Variants in ZBTB20 observed in about 807,000 individuals in gnomAD.
ZBTB20 encodes the protein zinc finger and BTB domain-containing protein 20.
ZBTB20 carries 9 observed loss-of-function variants against 56.9 expected under a neutral mutation model. The observed-to-expected ratio is 0.16, with a 90% CI of 0.10 to 0.28. The LOEUF is 0.28. Ranked by LOEUF, ZBTB20 falls within the 10% of genes least tolerant of loss-of-function variation. The pLI is 1.00. For missense variants in ZBTB20, 655 were observed against 1,003.0 expected, an observed-to-expected ratio of 0.65 and a Z score of 4.69; for synonymous variants, 417 against 420.7, an observed-to-expected ratio of 0.99 and a Z score of 0.11.
intron 2 of ZBTB20, among the ~76,000 whole-genome samples, chr3:115,059,214 A>G (rs1327430982): frequency 1.3e-5 from 2 of 152,000 alleles, no homozygotes; most frequent in Non-Finnish European, 2.9e-5. Flanking sequence ...CAGCTTTTTC[A>G]TGTAACATAA....
At chr3:114,507,376 C>A (rs1006422000) in intron 6 of ZBTB20, among the ~76,000 whole-genome samples, 1 of 151,982 alleles carries the variant, frequency 6.6e-6, no homozygotes, top group Non-Finnish European at 1.5e-5. Flanking sequence ...ATAGAAAGAG[C>A]TATAGAAACA....
At chr3:115,003,417 T>G (rs9865218) in intron 2 of ZBTB20, among the ~76,000 whole-genome samples, 87,605 of 149,380 alleles carry the variant, frequency 0.59, 26,546 homozygotes, top group East Asian at 0.75. Context: ...CAGGTTTTTT[T>G]TTTGTTTGTT....
chr3:114,797,886 A>G (rs2071430694), intron 5 of ZBTB20, among the ~76,000 whole-genome samples: 1 of 151,980 alleles, frequency 6.6e-6, no homozygotes, highest in South Asian at 2.1e-4. Context: ...GGGTTAAAAT[A>G]AAGGAAGAAA....
chr3:114,685,130 CA>C (rs2062250856), intron 6 of ZBTB20, among the ~76,000 whole-genome samples: 2 of 152,112 alleles, frequency 1.3e-5, no homozygotes, highest in African/African-American at 4.8e-5. Flanking sequence ...CCCCATTAGT[CA>C]GTCCAAAATC....
chr3:114,724,219 A>C (rs185539149), intron 5 of ZBTB20, among the ~76,000 whole-genome samples: 9 of 152,158 alleles, frequency 5.9e-5, no homozygotes, highest in African/African-American at 2.2e-4. Context: ...GAAAAGGAAG[A>C]CTGTAAAAAC....
intron 6 of ZBTB20, among the ~76,000 whole-genome samples, chr3:114,557,476 T>G (rs555305618): frequency 6.6e-6 from 1 of 151,980 alleles, no homozygotes; most frequent in African/African-American, 2.4e-5. Context: ...TACCTAATTG[T>G]TTTTGGTCCA....
chr3:114,938,939 G>A lies in ZBTB20; in HGVS notation c.-456+35427C>T, dbSNP rs769422079. Among the ~76,000 whole-genome samples, 124 of 145,500 alleles carry A rather than the reference G, an allele frequency of 8.5e-4. 4 individuals are homozygous for A. Among genetic ancestry groups the A allele is most frequent in the Non-Finnish European group, 1.5e-3 (100 of 67,958 alleles). ...AAAGTCTCAGCCATGTTGGTAGGGAGTCCCTGAACCAGAGTTACCCATTAG... is the reference window on the plus strand; with the variant it reads ...AAAGTCTCAGCCATGTTGGTAGGGAATCCCTGAACCAGAGTTACCCATTAG... On this transcript the variant is annotated intron_variant, in intron 3 of 11. Coordinates refer to ENST00000675478, the MANE Select transcript of ZBTB20 (RefSeq NM_001348800.3).
chr3:114,381,005 A>G (rs2108531724), intron 8 of ZBTB20, 65 bp from the exon 9 acceptor site: 1 of 354,066 alleles, frequency 2.8e-6, no homozygotes. Context: ...ATTTCTACTC[A>G]TGGACTACAT....
intron 3 of ZBTB20, among the ~76,000 whole-genome samples, chr3:114,941,280 A>T (rs1403019512): frequency 6.9e-6 from 1 of 145,972 alleles, no homozygotes; most frequent in Non-Finnish European, 1.5e-5. Context: ...TCTTATAATG[A>T]CTTTGAGAAA....
At chr3:114,459,572 T>C (rs546075015) in intron 7 of ZBTB20, among the ~76,000 whole-genome samples, 34 of 152,260 alleles carry the variant, frequency 2.2e-4, no homozygotes, top group South Asian at 1.2e-3. Context: ...ACACCTGCCA[T>C]GGTGGTAGAT....
chr3:114,777,203 G>C lies in ZBTB20; in HGVS notation c.-343+23898C>G, dbSNP rs116036330. Among the ~76,000 whole-genome samples the C allele has an allele frequency of 4.0e-3, 613 of 152,202 alleles. 2 individuals are homozygous for C. Among genetic ancestry groups the C allele is most frequent in the African/African-American group, 0.014 (578 of 41,520 alleles). ...AAGATAATATGGAACCTAAACCCAA[G>C]AATTCTTAAATAGATATATTAAAAC... On this transcript the variant is annotated intron_variant, in intron 5 of 11. Transcript: ENST00000675478.
intron 6 of ZBTB20, among the ~76,000 whole-genome samples, chr3:114,616,244 A>G (rs1035639272): frequency 1.3e-5 from 2 of 152,186 alleles, no homozygotes; most frequent in African/African-American, 4.8e-5. Flanking sequence ...GAACATACAC[A>G]TACAAGCTTT....
At chr3:114,916,447 A>T (rs896673504) in intron 3 of ZBTB20, among the ~76,000 whole-genome samples, 46 of 152,098 alleles carry the variant, frequency 3.0e-4, no homozygotes, top group African/African-American at 1.1e-3. Context: ...CAGTAGTATT[A>T]TGTACTATGT....
chr3:114,466,151 A>C (rs887412694), intron 7 of ZBTB20, among the ~76,000 whole-genome samples: 5 of 152,148 alleles, frequency 3.3e-5, no homozygotes, highest in African/African-American at 1.2e-4. Context: ...TGAGGGGAGA[A>C]AGAGTATACT....
chr3:114,975,621 C>T (rs1288671395), intron 2 of ZBTB20, among the ~76,000 whole-genome samples: 3 of 152,094 alleles, frequency 2.0e-5, no homozygotes, highest in Non-Finnish European at 2.9e-5. Flanking sequence ...AGCATTATTA[C>T]AGTTATTCTG....
intron 6 of ZBTB20, among the ~76,000 whole-genome samples, chr3:114,517,116 T>A (rs2046093393): frequency 6.6e-6 from 1 of 152,198 alleles, no homozygotes. Flanking sequence ...GTTACTGCAT[T>A]TTTTGTTCAC....
At chr3:114,590,421 C>T (rs1239094023) in intron 6 of ZBTB20, among the ~76,000 whole-genome samples, 1 of 151,128 alleles carries the variant, frequency 6.6e-6, no homozygotes, top group Non-Finnish European at 1.5e-5. Context: ...CACTGCACTC[C>T]AGCCTGCAGC....
intron 3 of ZBTB20, among the ~76,000 whole-genome samples, chr3:114,962,876 G>A (rs748837143): frequency 9.9e-5 from 15 of 152,108 alleles, no homozygotes; most frequent in African/African-American, 2.7e-4. Context: ...GAAAGTGGAG[G>A]AAGCTATGCA....
intron 10 of ZBTB20, among the ~76,000 whole-genome samples, chr3:114,372,098 T>C (rs1279314849): frequency 1.3e-5 from 2 of 152,218 alleles, no homozygotes; most frequent in African/African-American, 2.4e-5. Flanking sequence ...CTAAGGGCAG[T>C]AGTGCATGTG....
Sources: allele counts gnomAD v4.1 joint callset (sites outside exome capture counted in the v4.1 genomes callset), GRCh38; gene constraint gnomAD v4.1.1; transcripts MANE v1.5; gene names NCBI Gene and HGNC (gene_info 2026-07-23, HGNC 2026-07-21).